The following MGST1 variants were observed in gnomAD, a reference collection of about 807,000 sequenced individuals.
MGST1 encodes microsomal glutathione S-transferase 1.
In MGST1, 5 loss-of-function variants were observed where a neutral mutation model predicts 8.9. The observed-to-expected ratio is 0.56, with a 90% CI of 0.29 to 1.19. MGST1 has a LOEUF of 1.19. Ranked by LOEUF, MGST1 falls within the 50% of genes most tolerant of loss-of-function variation. MGST1 has a pLI of 0.08. For missense variants in MGST1, 182 were observed against 187.4 expected, an observed-to-expected ratio of 0.97 and a Z score of 0.17; for synonymous variants, 54 against 67.8, an observed-to-expected ratio of 0.80 and a Z score of 1.00.
At chr12:16,463,764 A>T (rs533590502) in intron 4 of MGST1, among the ~76,000 whole-genome samples, 1 of 152,294 alleles carries the variant, frequency 6.6e-6, no homozygotes, top group African/African-American at 2.4e-5. Context: ...GTGTGAAAAT[A>T]AGGCACAAGA....
chr12:16,590,605 A>T (rs1314783596), downstream of MGST1, among the ~76,000 whole-genome samples: 5 of 142,620 alleles, frequency 3.5e-5, no homozygotes, highest in African/African-American at 1.5e-4. Flanking sequence ...CTAAGAATTA[A>T]AAAAAAAAAT....
intron 4 of MGST1, among the ~76,000 whole-genome samples, chr12:16,529,003 AGAG>A (rs148384448): frequency 0.096 from 14,642 of 152,046 alleles, 862 homozygotes; most frequent in Non-Finnish European, 0.14. Flanking sequence ...TGATTCAGGG[AGAG>A]GAGAAGGGGC....
intron 1 of MGST1, among the ~76,000 whole-genome samples, chr12:16,426,606 T>C (rs1277202265): frequency 6.6e-6 from 1 of 152,210 alleles, no homozygotes; most frequent in East Asian, 1.9e-4. Flanking sequence ...ACTACATGCA[T>C]TTGTAGAATG....
Position 16,560,691 on chromosome 12 carries a change from ATTC to A in MGST1, n.483-28832_483-28830del. 1.5e-6 allele frequency: 1 copy of A among 670,224 alleles called. No homozygotes were observed. Among genetic ancestry groups the A allele is most frequent in the South Asian group, 1.9e-5 (1 of 53,988 alleles). The allele number at this position is 670,224 out of a possible 1,614,324, so 41.5% of individuals were successfully genotyped here. ...TTTTATCCTAGGTGTATGCATAAAT[ATTC>A]TTCTGCAATATATTCTCCGTTGACC... On this transcript the variant is annotated intron_variant and non_coding_transcript_variant, in intron 4 of 4. Transcript: ENST00000538857. This position sits in a 1 kb window ranked among gnomAD's most constrained non-coding sequence, Gnocchi z 5.0.
downstream of MGST1, among the ~76,000 whole-genome samples, chr12:16,591,522 G>GT: frequency 9.9e-6 from 1 of 101,488 alleles, no homozygotes; most frequent in East Asian, 3.0e-4. The surrounding 1 kb of genome is among the most constrained non-coding windows in gnomAD (Gnocchi z 4.1). Flanking sequence ...AGGGGAGCAG[G>GT]TATTTTTGTG....
chr12:16,528,641 C>G (rs1381658351), intron 4 of MGST1, among the ~76,000 whole-genome samples: 1 of 151,960 alleles, frequency 6.6e-6, no homozygotes, highest in Non-Finnish European at 1.5e-5. Context: ...GCAAAGTGCA[C>G]TAGGTAAAAG....
At chr12:16,385,020 G>T (rs981727144) in intron 1 of MGST1, among the ~76,000 whole-genome samples, 5 of 152,218 alleles carry the variant, frequency 3.3e-5, no homozygotes, top group African/African-American at 9.6e-5. Context: ...TGGGAAAGGG[G>T]AAATAGTATC....
intron 4 of MGST1, among the ~76,000 whole-genome samples, chr12:16,545,368 C>G (rs1372135640): frequency 6.6e-6 from 1 of 152,020 alleles, no homozygotes; most frequent in African/African-American, 2.4e-5. Flanking sequence ...GCAAATAACA[C>G]TTAAAGAGGA....
intron 4 of MGST1, among the ~76,000 whole-genome samples, chr12:16,452,449 C>A (rs1941136694): frequency 6.6e-6 from 1 of 151,326 alleles, no homozygotes. Flanking sequence ...ATCACCCTAT[C>A]CACCAAACTG....
downstream of MGST1, among the ~76,000 whole-genome samples, chr12:16,589,986 C>T (rs1046792435): frequency 6.6e-6 from 1 of 152,006 alleles, no homozygotes; most frequent in African/African-American, 2.4e-5. The surrounding 1 kb of genome is among the most constrained non-coding windows in gnomAD (Gnocchi z 4.2). Flanking sequence ...GAAAGCCCAC[C>T]CATTCATCCT....
intron 1 of MGST1, among the ~76,000 whole-genome samples, chr12:16,395,146 A>G (rs777917366): frequency 3.4e-4 from 52 of 151,948 alleles, no homozygotes; most frequent in Non-Finnish European, 6.0e-4. Flanking sequence ...TTTCTAAAGT[A>G]TTTATAATTT....
At chr12:16,554,502 C>A (rs774495234) in intron 4 of MGST1, among the ~76,000 whole-genome samples, 4 of 152,130 alleles carry the variant, frequency 2.6e-5, no homozygotes, top group Non-Finnish European at 5.9e-5. Flanking sequence ...CCACTATACA[C>A]CTGTGAACAA....
At chr12:16,488,569 A>G (rs1941415535) in intron 4 of MGST1, among the ~76,000 whole-genome samples, 1 of 152,126 alleles carries the variant, frequency 6.6e-6, no homozygotes, top group African/African-American at 2.4e-5. Context: ...TTTCCTCCAT[A>G]GTCTGCCAGG....
At chr12:16,509,934 G>A (rs914107011) in intron 4 of MGST1, among the ~76,000 whole-genome samples, 19 of 152,204 alleles carry the variant, frequency 1.2e-4, no homozygotes, top group Non-Finnish European at 2.2e-4. Flanking sequence ...CTAGACTTCA[G>A]ACAAGCTAAT....
chr12:16,521,812 A>T (rs1259885507), intron 4 of MGST1, among the ~76,000 whole-genome samples: 1 of 152,184 alleles, frequency 6.6e-6, no homozygotes, highest in African/African-American at 2.4e-5. Flanking sequence ...CAGCAATAAG[A>T]TAACACTCTT....
At chr12:16,580,533 T>C (rs1943127509) in intron 4 of MGST1, among the ~76,000 whole-genome samples, 1 of 152,194 alleles carries the variant, frequency 6.6e-6, no homozygotes, top group Non-Finnish European at 1.5e-5. Flanking sequence ...TTTGGAGGAC[T>C]TTTCTGGGGA....
chr12:16,401,806 C>G lies in MGST1; in HGVS notation n.778+18202C>G. On this transcript the variant is annotated intron_variant and non_coding_transcript_variant, in intron 1 of 1. Coordinates refer to the MGST1 transcript ENST00000359720. This position sits in a 1 kb window ranked among gnomAD's most constrained non-coding sequence, Gnocchi z 4.3. ...TGTCAAACTTTCTCATCTGCATCAA[C>G]TATTTCCATGACTCTTTCCTTGAAG... The G allele has an allele frequency of 1.2e-6, 2 of 1,604,000 alleles. No homozygotes were observed. The highest frequency in any genetic ancestry group is 1.7e-6 in the Non-Finnish European group (2 of 1,170,736).
At chr12:16,423,419 C>T (rs1940858619) in intron 1 of MGST1, among the ~76,000 whole-genome samples, 1 of 151,848 alleles carries the variant, frequency 6.6e-6, no homozygotes, top group African/African-American at 2.4e-5. Context: ...TTTGTTGTCC[C>T]TAACCTATGT....
chr12:16,352,318 G>C (rs940098792), intron 1 of MGST1, among the ~76,000 whole-genome samples: 1 of 152,154 alleles, frequency 6.6e-6, no homozygotes, highest in Non-Finnish European at 1.5e-5. Context: ...ACATATAAAT[G>C]TATAGATTAC....
Sources: gnomAD v4.1 joint callset for allele counts (sites outside exome capture counted in the v4.1 genomes callset) on GRCh38, gnomAD v4.1.1 for gene constraint, Gnocchi (gnomAD v3.1) non-coding constraint, MANE v1.5 for transcripts, NCBI Gene and HGNC (gene_info 2026-07-23, HGNC 2026-07-21) for gene names.